Variants in TNNT1 observed in about 807,000 individuals in gnomAD.
The protein encoded by TNNT1 is troponin T1, slow skeletal type, also known as troponin T, slow skeletal muscle.
Under a neutral mutation model 50.6 loss-of-function variants are expected in TNNT1, and 53 were observed. The ratio of observed to expected loss-of-function variants is 1.05; its 90% CI spans 0.84 to 1.32. TNNT1 has a LOEUF of 1.32. TNNT1 is among the 40% of genes most tolerant of loss of function. TNNT1 has a pLI of 0.00. For missense variants in TNNT1, 348 were observed against 381.7 expected (o/e 0.91, Z 0.74); for synonymous variants, 142 against 138.0 (o/e 1.03, Z -0.20).
chr19:55,138,309 G>A (rs995777925), intron 9 of TNNT1, among the ~76,000 whole-genome samples: 3 of 145,096 alleles, frequency 2.1e-5, no homozygotes, highest in Admixed American at 1.4e-4. Context: ...ACGGACTCTC[G>A]CTCTGTTGCT....
chr19:55,140,969 C>T lies in TNNT1; in HGVS notation c.310-9G>A, dbSNP rs538375627. ...TCTGACCGGCGCCGCTCCTGGGAAA[C>T]GGAGAAGCATAAGGGGGTGCAGGGA... On this transcript the variant is annotated splice_polypyrimidine_tract_variant and intron_variant, in intron 8 of 13. Coordinates refer to ENST00000588981, the MANE Select transcript of TNNT1 (RefSeq NM_003283.6). 3 of 1,613,648 alleles carry T rather than the reference C, an allele frequency of 1.9e-6. No homozygotes were observed. Among genetic ancestry groups the T allele is most frequent in the African/African-American group, 1.3e-5 (1 of 74,940 alleles).
chr19:55,134,277 T>G (rs1003830002), intron 11 of TNNT1, 73 bp from the exon 12 acceptor site: 14 of 1,439,192 alleles, frequency 9.7e-6, no homozygotes, highest in Non-Finnish European at 1.9e-6. Flanking sequence ...ACAGCGAGAC[T>G]GTGAGTTCAG....
chr19:55,137,281 C>CG, intron 10 of TNNT1, 69 bp from the exon 11 acceptor site: 1 of 1,119,648 alleles, frequency 8.9e-7, no homozygotes, highest in Non-Finnish European at 1.4e-6. Context: ...TGTCGGGACC[C>CG]ACACGTCGGA....
At chr19:55,147,267 C>G (rs1599897075) in intron 1 of TNNT1, 99 bp from the exon 2 acceptor site, 6 of 1,178,866 alleles carry the variant, frequency 5.1e-6, no homozygotes, top group Non-Finnish European at 7.4e-6. Context: ...GGCCTGGACT[C>G]CTGGGTCTGG....
Position 55,133,547 on chromosome 19 carries a change from G to A in TNNT1, c.791+340C>T, listed in dbSNP as rs150151079. The A allele has an allele frequency of 2.5e-3, 1,000 of 401,282 alleles. 10 individuals carry two copies. The highest frequency in any genetic ancestry group is 0.019 in the African/African-American group (916 of 49,002). 24.9% of individuals were successfully genotyped at this position (401,282 alleles called of 1,614,324 possible). On this transcript the variant is annotated intron_variant, in intron 13 of 13. Coordinates refer to ENST00000588981, the MANE Select transcript of TNNT1 (RefSeq NM_003283.6). ...ACAAAAATTAGCCACGCTTGGTGGC[G>A]CGCACCTGTAATCCCAGCTACTCAG...
At position 55,137,231 on chromosome 19, in the gene TNNT1, G is replaced by C; in HGVS notation, c.502-19C>G. ...GTTCTGCCTGAGGGTGGGGGAGGCGGAACAGTAAACTGGGGGCCACATCCC... is the reference window on the plus strand; with the variant it reads ...GTTCTGCCTGAGGGTGGGGGAGGCGCAACAGTAAACTGGGGGCCACATCCC... On this transcript the variant is annotated intron_variant, in intron 10 of 13. Transcript: ENST00000588981. 6.3e-7 allele frequency: 1 copy of C among 1,582,846 alleles called. No homozygotes were observed. The highest frequency in any genetic ancestry group is 8.7e-7 in the Non-Finnish European group (1 of 1,152,478).
chr19:55,146,922 C>G (rs1351036087), intron 3 of TNNT1, 86 bp downstream of exon 3: 46 of 1,477,220 alleles, frequency 3.1e-5, no homozygotes, highest in Non-Finnish European at 4.1e-5. Flanking sequence ...GCCCCTTCCC[C>G]GCCAAAGTGC....
At chr19:55,141,831 C>T in intron 7 of TNNT1, 26 bp downstream of exon 7, 1 of 1,613,596 alleles carries the variant, frequency 6.2e-7, no homozygotes, top group Non-Finnish European at 8.5e-7. Context: ...GCAACTGCGC[C>T]TGCGGAGGGG....
chr19:55,145,136 GA>G (rs71181741), intron 6 of TNNT1, among the ~76,000 whole-genome samples: 57,151 of 130,230 alleles, frequency 0.44, 11,850 homozygotes, highest in Non-Finnish European at 0.5. Flanking sequence ...TCTACAAAAA[GA>G]AAAAAAAAAA....
Position 55,136,256 on chromosome 19 carries a change from A to C in TNNT1, c.611+847T>G, listed in dbSNP as rs191080923. On this transcript the variant is annotated intron_variant, in intron 11 of 13. Transcript: ENST00000588981. ...CCCTCCACAGGAAGCTGCTGCTGTA[A>C]TTATTATTTTTTTAAGGATGGGGTC... is the stretch of plus-strand genomic sequence containing the variant. Among the ~76,000 whole-genome samples the C allele has an allele frequency of 9.2e-5, 14 of 152,114 alleles. No individual in the cohort carries two copies. The East Asian group carries it at 2.7e-3, about 30-fold the overall frequency.
At chr19:55,143,363 C>T (rs897253124) in intron 6 of TNNT1, among the ~76,000 whole-genome samples, 5 of 152,162 alleles carry the variant, frequency 3.3e-5, no homozygotes, top group African/African-American at 1.2e-4. Flanking sequence ...TGGTGCCGCT[C>T]TGAGGCTCAG....
At chr19:55,134,299 C>T in intron 11 of TNNT1, 95 bp from the exon 12 acceptor site, 3 of 1,261,474 alleles carry the variant, frequency 2.4e-6, no homozygotes, top group Non-Finnish European at 3.3e-6. Flanking sequence ...GTTGTCGGCA[C>T]CATTTTGTTC....
Position 55,132,851 on chromosome 19 carries a change from T to G in TNNT1, c.*64A>C. The G allele has an allele frequency of 6.6e-7, 1 of 1,509,826 alleles. No homozygotes were observed. Among genetic ancestry groups the G allele is most frequent in the Non-Finnish European group, 9.0e-7 (1 of 1,105,240 alleles). The allele number at this position is 1,509,826 out of a possible 1,614,324, so 93.5% of individuals were successfully genotyped here. A position where few individuals can be genotyped will look rare whatever the true frequency, so the allele number is the denominator to read the frequency against. ...GCGGGTGTCTGAGGGGAGCGTTTAT[T>G]TCAAGCTACCGATGGGACAAACACT... On this transcript the variant is annotated 3_prime_UTR_variant, in exon 14 of 14. Transcript: ENST00000588981.
chr19:55,134,271 C>G, intron 11 of TNNT1, 67 bp from the exon 12 acceptor site: 7 of 1,467,122 alleles, frequency 4.8e-6, no homozygotes, highest in Non-Finnish European at 4.6e-6. Flanking sequence ...AGCCACACAG[C>G]GAGACTGTGA....
rs189515112 is a variant in TNNT1 at position 55,135,481 on chromosome 19, C to G, written c.612-1277G>C. 19 of 335,080 alleles carry G rather than the reference C, an allele frequency of 5.7e-5. No homozygotes were observed. The East Asian group carries it at 2.7e-3, about 47-fold the overall frequency. 20.8% of individuals were successfully genotyped at this position (335,080 alleles called of 1,614,324 possible). ...GTGCAGTGACACCATCACAGCTCAC[C>G]GCAGTCTCAACCTCTCAGGCTCTAG... On this transcript the variant is annotated intron_variant, in intron 11 of 13. Coordinates refer to ENST00000588981, the MANE Select transcript of TNNT1 (RefSeq NM_003283.6).
At chr19:55,137,275 G>C in intron 10 of TNNT1, 63 bp from the exon 11 acceptor site, 1 of 1,219,214 alleles carries the variant, frequency 8.2e-7, no homozygotes, top group Non-Finnish European at 1.2e-6. Flanking sequence ...CTGCCGTGTC[G>C]GGACCCACAC....
In TNNT1 at chr19:55,141,805, G is replaced by T. The variant is rs2085460969; in HGVS notation, c.192+52C>A. 27 of 1,599,734 alleles carry T rather than the reference G, an allele frequency of 1.7e-5. No homozygotes were observed. In the South Asian group the frequency reaches 2.9e-4, roughly 17 times the overall value. ...GGCGCCTTTTCATGATTGACACAAAGGCCCCTTAAAGACTAGCAACTGCGC... is the reference window on the plus strand; with the variant it reads ...GGCGCCTTTTCATGATTGACACAAATGCCCCTTAAAGACTAGCAACTGCGC... On this transcript the variant is annotated intron_variant, in intron 7 of 13. Coordinates refer to ENST00000588981, the MANE Select transcript of TNNT1 (RefSeq NM_003283.6).
rs1486839354 is a variant in TNNT1, at chr19:55,137,195, A to G, written c.519T>C (p.Gly173=). 6.2e-7 allele frequency: 1 copy of G among 1,613,208 alleles called. No homozygotes were observed. Among genetic ancestry groups the G allele is most frequent in the South Asian group, 1.1e-5 (1 of 91,060 alleles). ...TCATCTCCCGCCCCGTCTGCCGCTT[A>G]CCACGCTTCTGTTCTGCCTGAGGGT... ...GYLVKAEQKR[G]KRQTGREMKV... is the part of the protein sequence containing the mutation. The change falls in exon 11 of 14, where the codon GGT becomes GGC. Residue 173 remains glycine, a synonymous_variant. Coordinates refer to ENST00000588981, the MANE Select transcript of TNNT1 (RefSeq NM_003283.6).
At chr19:55,133,760 G>T in intron 13 of TNNT1, 127 bp downstream of exon 13, 2 of 1,057,614 alleles carry the variant, frequency 1.9e-6, no homozygotes, top group Non-Finnish European at 1.5e-6. Context: ...GACAGAGAAG[G>T]AAGGACAAAG....
Sources: allele counts gnomAD v4.1 joint callset (sites outside exome capture counted in the v4.1 genomes callset), GRCh38; gene constraint gnomAD v4.1.1; transcripts MANE v1.5; gene names NCBI Gene and HGNC (gene_info 2026-07-23, HGNC 2026-07-21).